The following SOX5 variants were observed in gnomAD, a reference collection of about 807,000 sequenced individuals.
The protein encoded by SOX5 is transcription factor SOX-5.
Under a neutral mutation model 92.0 loss-of-function variants are expected in SOX5, and 9 were observed. The ratio of observed to expected loss-of-function variants is 0.10; its 90% CI spans 0.06 to 0.17. SOX5 has a LOEUF of 0.17. SOX5 is among the 10% of genes least tolerant of loss of function. The probability of loss-of-function intolerance (pLI) is 1.00; values close to 1 mark genes in which losing one functional copy is unlikely to be tolerated. For missense variants in SOX5, 642 were observed against 944.5 expected (o/e 0.68, Z 4.20); for synonymous variants, 344 against 336.3 (o/e 1.02, Z -0.25).
In SOX5 at chr12:24,402,860, T is replaced by C. The variant is rs192001445; in HGVS notation, c.-250-34221A>G. ...TTTATTTAAGCTTTATTTCAGCTTC[T>C]TGGTTTATCTGGCTCCTTATCAATC... On this transcript the variant is annotated intron_variant, in intron 1 of 4. Coordinates refer to the SOX5 transcript ENST00000446891. Among the ~76,000 whole-genome samples, 340 of 152,350 alleles carry C rather than the reference T, an allele frequency of 2.2e-3. 2 individuals are homozygous for C. The highest frequency in any genetic ancestry group is 7.6e-3 in the African/African-American group (316 of 41,590).
In SOX5 at chr12:24,178,658, T is replaced by C. The variant is rs117481091; in HGVS notation, c.-2+34685A>G. ...TTAAAAACCCTTGTGAAAAGTATTTTAGATAAAAAAAAATCTTGTTTTCCT... is the reference window on the plus strand; with the variant it reads ...TTAAAAACCCTTGTGAAAAGTATTTCAGATAAAAAAAAATCTTGTTTTCCT... On this transcript the variant is annotated intron_variant, in intron 4 of 4. Transcript: ENST00000446891. Among the ~76,000 whole-genome samples the C allele has an allele frequency of 1.4e-3, 210 of 152,326 alleles. No homozygotes were observed. The East Asian group carries it at 0.024, about 18-fold the overall frequency.
intron 3 of SOX5, among the ~76,000 whole-genome samples, chr12:23,769,890 T>C (rs936825718): frequency 6.6e-6 from 1 of 152,160 alleles, no homozygotes; most frequent in Non-Finnish European, 1.5e-5. Context: ...TTGATTATAA[T>C]CAATTTTTTA....
intron 1 of SOX5, among the ~76,000 whole-genome samples, chr12:24,436,897 A>T (rs569003565): frequency 3.4e-4 from 52 of 152,296 alleles, no homozygotes; most frequent in African/African-American, 1.1e-3. Flanking sequence ...GCCCTTAAGA[A>T]TTGGAGTAAA....
intron 4 of SOX5, among the ~76,000 whole-genome samples, chr12:24,165,024 T>G (rs1448071478): frequency 6.6e-6 from 1 of 152,108 alleles, no homozygotes; most frequent in African/African-American, 2.4e-5. Context: ...AATATATTTC[T>G]AGATATCTTG....
chr12:23,560,245 CTTTTGGGATTCAAG>C (rs1400313093), intron 11 of SOX5, among the ~76,000 whole-genome samples: 1 of 152,092 alleles, frequency 6.6e-6, no homozygotes, highest in Non-Finnish European at 1.5e-5. Flanking sequence ...AAATGCCCTT[CTTTTGGGATTCAAG>C]TGATATAAGA....
At chr12:24,426,227 A>C (rs1966745400) in intron 1 of SOX5, among the ~76,000 whole-genome samples, 1 of 151,856 alleles carries the variant, frequency 6.6e-6, no homozygotes, top group East Asian at 1.9e-4. Flanking sequence ...ACAAACAAAA[A>C]AAACACTGCA....
chr12:23,563,174 G>A (rs1946507575), intron 11 of SOX5, 84 bp downstream of exon 11: 14 of 1,133,464 alleles, frequency 1.2e-5, no homozygotes, highest in Non-Finnish European at 1.7e-5. Context: ...AGGATGATAA[G>A]AAGATGGAAA....
At chr12:24,263,552 A>AAAAAAAAAAAAG (rs1565782080) in intron 3 of SOX5, among the ~76,000 whole-genome samples, 1 of 145,490 alleles carries the variant, frequency 6.9e-6, no homozygotes, top group Admixed American at 6.7e-5. Context: ...AAAAAAAAAA[A>AAAAAAAAAAAAG]CAAAAACAAG....
chr12:23,970,841 A>ATATATTTTT lies in SOX5; in HGVS notation c.-1-74818_-1-74817insAAAAATATA. On this transcript the variant is annotated intron_variant, in intron 4 of 4. Coordinates refer to the SOX5 transcript ENST00000446891. Reference sequence around the variant, plus strand: ...ACATGGGACTTTATATATATATATAATTTTTTTTTTTTTTTAAGAAATGGG... The same window carrying ATATATTTTT: ...ACATGGGACTTTATATATATATATAATATATTTTTTTTTTTTTTTTTTTTAAGAAATGGG... Among the ~76,000 whole-genome samples, 20 of 21,882 alleles carry ATATATTTTT rather than the reference A, an allele frequency of 9.1e-4. 6 individuals are homozygous for ATATATTTTT. The highest frequency in any genetic ancestry group is 6.6e-3 in the South Asian group (3 of 454). 14.4% of individuals were successfully genotyped at this position (21,882 alleles called of 152,430 possible).
chr12:23,983,560 C>G (rs1300097174), intron 4 of SOX5, among the ~76,000 whole-genome samples: 1 of 152,108 alleles, frequency 6.6e-6, no homozygotes, highest in African/African-American at 2.4e-5. Flanking sequence ...AACTTCCTTC[C>G]TATGTTGACA....
At chr12:23,785,037 G>T (rs1567737729) in intron 3 of SOX5, among the ~76,000 whole-genome samples, 1 of 152,206 alleles carries the variant, frequency 6.6e-6, no homozygotes, top group African/African-American at 2.4e-5. Flanking sequence ...AGCCATGATT[G>T]TGCCACTGCA....
At chr12:24,011,216 T>TA (rs149016825) in intron 4 of SOX5, among the ~76,000 whole-genome samples, 4 of 151,780 alleles carry the variant, frequency 2.6e-5, no homozygotes, top group Admixed American at 6.6e-5. Context: ...TTAATCAAAT[T>TA]AAAAAAAATA....
At chr12:24,368,739 A>G (rs1210283293) in intron 1 of SOX5, 2 of 152,230 alleles carry the variant, frequency 1.3e-5, no homozygotes, top group African/African-American at 2.4e-5. Flanking sequence ...CGAAGTAACC[A>G]TCCATATATC....
intron 4 of SOX5, among the ~76,000 whole-genome samples, chr12:24,080,570 T>C (rs1345336436): frequency 6.6e-6 from 1 of 152,024 alleles, no homozygotes; most frequent in Non-Finnish European, 1.5e-5. Flanking sequence ...AATGCTGGTT[T>C]CTATTGTCTG....
chr12:24,475,556 G>A (rs574410866), intron 1 of SOX5, among the ~76,000 whole-genome samples: 53 of 152,276 alleles, frequency 3.5e-4, no homozygotes, highest in Middle Eastern at 6.8e-3. Context: ...TGTGTTCTTG[G>A]CTCTGACCAT....
At chr12:24,107,774 A>G (rs1946855375) in intron 4 of SOX5, among the ~76,000 whole-genome samples, 1 of 152,210 alleles carries the variant, frequency 6.6e-6, no homozygotes, top group African/African-American at 2.4e-5. Context: ...GGGCTTAAAG[A>G]GGGTCACTGA....
At chr12:23,825,126 T>C (rs2096205097) in intron 3 of SOX5, among the ~76,000 whole-genome samples, 1 of 151,894 alleles carries the variant, frequency 6.6e-6, no homozygotes, top group South Asian at 2.1e-4. Flanking sequence ...GCATTCCAGG[T>C]GCCACTGGGG....
chr12:23,650,119 G>T (rs1228399840), intron 7 of SOX5, among the ~76,000 whole-genome samples: 1 of 151,968 alleles, frequency 6.6e-6, no homozygotes, highest in Non-Finnish European at 1.5e-5. Flanking sequence ...TACAATCCCT[G>T]TCCCAGTCTT....
chr12:24,246,530 T>C (rs1938765443), intron 3 of SOX5, among the ~76,000 whole-genome samples: 1 of 152,156 alleles, frequency 6.6e-6, no homozygotes, highest in African/African-American at 2.4e-5. Context: ...TTTGGCTCTT[T>C]TTGCCTCAGT....
Sources: gnomAD v4.1 joint callset for allele counts (sites outside exome capture counted in the v4.1 genomes callset) on GRCh38, gnomAD v4.1.1 for gene constraint, MANE v1.5 for transcripts, NCBI Gene and HGNC (gene_info 2026-07-23, HGNC 2026-07-21) for gene names.